Variants in TFPI observed in about 807,000 individuals in gnomAD.
TFPI encodes the protein anti-convertin.
Under a neutral mutation model 34.6 loss-of-function variants are expected in TFPI, and 15 were observed. The observed-to-expected ratio is 0.43, with a 90% CI of 0.29 to 0.67. The LOEUF is 0.67. TFPI is among the 30% of genes least tolerant of loss of function. TFPI has a pLI of 0.15. For missense variants in TFPI, 301 were observed against 364.0 expected (o/e 0.83, Z 1.41); for synonymous variants, 105 against 120.1 (o/e 0.87, Z 0.82).
At chr2:187,499,113 T>A (rs1685679551) in intron 2 of TFPI, among the ~76,000 whole-genome samples, 1 of 151,972 alleles carries the variant, frequency 6.6e-6, no homozygotes, top group Non-Finnish European at 1.5e-5. Flanking sequence ...CAAGTTTAAA[T>A]GTCATTTCTT....
rs1691675330 is a variant in TFPI, at chr2:187,465,514, A to T, written c.*1422T>A. The T allele has an allele frequency of 6.6e-6, 1 of 150,990 alleles. No homozygotes were observed. The highest frequency in any genetic ancestry group is 1.5e-5 in the Non-Finnish European group (1 of 67,788). The allele number at this position is 150,990 out of a possible 1,614,324, so 9.4% of individuals were successfully genotyped here. A position where few individuals can be genotyped will look rare whatever the true frequency, so the allele number is the denominator to read the frequency against. ...AATGAAAAAAAAAAAAAAACAAGAA[A>T]AAAGAAAAGAAAAAGAAAAAAGTAA... On this transcript the variant is annotated 3_prime_UTR_variant, in exon 8 of 8. Coordinates refer to ENST00000233156, the MANE Select transcript of TFPI (RefSeq NM_006287.6).
At chr2:187,506,060 AT>A (rs1225497217) in intron 1 of TFPI, among the ~76,000 whole-genome samples, 4 of 152,050 alleles carry the variant, frequency 2.6e-5, no homozygotes, top group Admixed American at 2.6e-4. Context: ...AAATATCTAA[AT>A]TTTTACTCAA....
At chr2:187,549,064 T>G (rs754312795) in intron 1 of TFPI, among the ~76,000 whole-genome samples, 1 of 152,112 alleles carries the variant, frequency 6.6e-6, no homozygotes, top group Non-Finnish European at 1.5e-5. Flanking sequence ...CTTTCTTCAT[T>G]GACTAAATAG....
Position 187,467,045 on chromosome 2 carries a change from A to G in TFPI, c.809-3T>C, listed in dbSNP as rs999962844. On this transcript the variant is annotated splice_region_variant and splice_polypyrimidine_tract_variant and intron_variant, in intron 7 of 7. Transcript: ENST00000233156. ...TTTTGATATTCTTTGGATGAAACCT[A>G]TAAGAGGAAGAGGAATAAATTAATG... The G allele has an allele frequency of 1.0e-5, 16 of 1,524,706 alleles. No individual in the cohort carries two copies. Among genetic ancestry groups the G allele is most frequent in the African/African-American group, 4.2e-5 (3 of 72,162 alleles). The allele number at this position is 1,524,706 out of a possible 1,614,324, so 94.4% of individuals were successfully genotyped here. A position where few individuals can be genotyped will look rare whatever the true frequency, so the allele number is the denominator to read the frequency against.
At chr2:187,484,273 G>T in intron 5 of TFPI, 57 bp from the exon 6 acceptor site, 2 of 1,470,464 alleles carry the variant, frequency 1.4e-6, no homozygotes, top group Non-Finnish European at 1.9e-6. Flanking sequence ...CTCATATTTG[G>T]ACTCATGAAG....
rs769145913 is a variant in TFPI at position 187,467,795 on chromosome 2, T to G, written c.766A>C (p.Asn256His). 6.2e-7 allele frequency: 1 copy of G among 1,611,420 alleles called. No individual in the cohort carries two copies. Among genetic ancestry groups the G allele is most frequent in the Non-Finnish European group, 8.5e-7 (1 of 1,178,952 alleles). ...KYSGCGGNEN[N>H]FTSKQECLRA... is the part of the protein sequence containing the mutation. ...AGACATTCTTGTTTGGAAGTAAAAT[T>G]GTTTTCATTTCCCCCACATCCACTG... The change falls in exon 7 of 8, where the codon AAT (asparagine) becomes CAT (histidine). Residue 256 changes from asparagine (N) to histidine (H), a missense_variant. Transcript: ENST00000233156.
intron 1 of TFPI, among the ~76,000 whole-genome samples, chr2:187,521,383 A>C (rs1362265025): frequency 6.6e-6 from 1 of 152,042 alleles, no homozygotes; most frequent in Non-Finnish European, 1.5e-5. Context: ...ATTGTGAGTA[A>C]TACCTCAGTG....
intron 1 of TFPI, among the ~76,000 whole-genome samples, chr2:187,508,670 T>C (rs184198725): frequency 2.0e-5 from 3 of 152,342 alleles, no homozygotes; most frequent in Admixed American, 1.3e-4. Flanking sequence ...TTGCTGAAGT[T>C]GCTTATCAGC....
At chr2:187,529,266 T>C (rs1687836994) in intron 1 of TFPI, 1 of 152,244 alleles carries the variant, frequency 6.6e-6, no homozygotes, top group Admixed American at 6.5e-5. Flanking sequence ...CAATTGATTC[T>C]GTGAGTGAAG....
chr2:187,484,138 A>G lies in TFPI; in HGVS notation c.614T>C (p.Val205Ala). The change falls in exon 6 of 8, where the codon GTT becomes GCT. Residue 205 changes from valine to alanine, a missense_variant. Transcript: ENST00000233156. ...NNSLTPQSTK[V>A]PSLFEFHGPS... ...AAGATTCTTACCAAAAAGGCTGGGA[A>G]CCTTGGTTGATTGCGGAGTCAGGGA... 1 of 1,612,290 alleles carries G rather than the reference A, an allele frequency of 6.2e-7. No homozygotes were observed. Among genetic ancestry groups the G allele is most frequent in the Non-Finnish European group, 8.5e-7 (1 of 1,178,726 alleles).
At chr2:187,487,477 A>G (rs1417363366) in intron 4 of TFPI, among the ~76,000 whole-genome samples, 2 of 151,452 alleles carry the variant, frequency 1.3e-5, no homozygotes, top group African/African-American at 4.8e-5. Flanking sequence ...TAAATAAATC[A>G]AAATAAATAA....
chr2:187,530,074 A>AT (rs1198680035), intron 1 of TFPI, among the ~76,000 whole-genome samples: 3 of 152,140 alleles, frequency 2.0e-5, no homozygotes, highest in Non-Finnish European at 1.5e-5. Context: ...GAGAAAGTGT[A>AT]TTTTTTGCTC....
Position 187,468,488 on chromosome 2 carries a change from T to C in TFPI, c.629-556A>G, listed in dbSNP as rs1344579979. On this transcript the variant is annotated intron_variant, in intron 6 of 7. Coordinates refer to ENST00000233156, the MANE Select transcript of TFPI (RefSeq NM_006287.6). The stretch of plus-strand genomic sequence containing the variant: ...GGAGGAATTCAGGTATGGCAAGTTT[T>C]AAGTTTCAAGGAATGAGTCCAGATG... 3.3e-5 allele frequency among the ~76,000 whole-genome samples: 5 copies of C among 152,122 alleles called. No homozygotes were observed. In the South Asian group the frequency reaches 8.3e-4, roughly 25 times the overall value.
At chr2:187,500,807 C>T (rs1390352686) in intron 2 of TFPI, among the ~76,000 whole-genome samples, 1 of 152,140 alleles carries the variant, frequency 6.6e-6, no homozygotes, top group Non-Finnish European at 1.5e-5. Flanking sequence ...ACCCACAGTG[C>T]CATGCCACTT....
At chr2:187,520,218 T>C (rs925348150) in intron 1 of TFPI, among the ~76,000 whole-genome samples, 2 of 152,102 alleles carry the variant, frequency 1.3e-5, no homozygotes. Context: ...TGCAGCTAAC[T>C]TGGTGTCTGC....
chr2:187,482,256 T>C (rs1263268117), intron 6 of TFPI, among the ~76,000 whole-genome samples: 1 of 152,096 alleles, frequency 6.6e-6, no homozygotes, highest in Non-Finnish European at 1.5e-5. Flanking sequence ...CTTACTGATA[T>C]ACTGTGTCAC....
At chr2:187,513,165 TA>T (rs1686761774) in intron 1 of TFPI, among the ~76,000 whole-genome samples, 1 of 152,192 alleles carries the variant, frequency 6.6e-6, no homozygotes, top group Non-Finnish European at 1.5e-5. Flanking sequence ...ACATTAATCA[TA>T]AAGAAAATTC....
intron 6 of TFPI, among the ~76,000 whole-genome samples, chr2:187,474,932 A>G (rs1451859202): frequency 6.6e-6 from 1 of 152,194 alleles, no homozygotes. Context: ...AGATGAAGAT[A>G]GAGCTCAAGT....
rs543563049 is a variant in TFPI at position 187,548,507 on chromosome 2, A to AT, written c.-3+5692dup. On this transcript the variant is annotated intron_variant, in intron 1 of 7. Coordinates refer to ENST00000233156, the MANE Select transcript of TFPI (RefSeq NM_006287.6). Reference sequence around the variant, plus strand: ...AGTGCAAGTATATACTTGCAGAGATATTTTTTCACTTACATTCTTGGAGAT... The same window carrying AT: ...AGTGCAAGTATATACTTGCAGAGATATTTTTTTCACTTACATTCTTGGAGAT... 2.0e-3 allele frequency among the ~76,000 whole-genome samples: 304 copies of AT among 152,110 alleles called. 2 individuals are homozygous for AT. The highest frequency in any genetic ancestry group is 6.8e-3 in the African/African-American group (282 of 41,516).
Sources: allele counts gnomAD v4.1 joint callset (sites outside exome capture counted in the v4.1 genomes callset), GRCh38; gene constraint gnomAD v4.1.1; transcripts MANE v1.5; gene names NCBI Gene and HGNC (gene_info 2026-07-23, HGNC 2026-07-21).